The following COL24A1 variants were observed in gnomAD, a reference collection of about 807,000 sequenced individuals.
COL24A1 encodes the protein collagen alpha-1(XXIV) chain.
Under a neutral mutation model 253.9 loss-of-function variants are expected in COL24A1, and 224 were observed. That is an observed-to-expected ratio of 0.88 (90% CI 0.79 to 0.99). The LOEUF (loss-of-function observed/expected upper bound fraction) is 0.99, where lower values mean the gene tolerates loss of function less well. COL24A1 is among the 50% of genes least tolerant of loss of function. The pLI, the probability that COL24A1 is intolerant of heterozygous loss-of-function variation, is 0.00. For synonymous variants in COL24A1, 685 were observed against 673.7 expected, an observed-to-expected ratio of 1.02 and a Z score of -0.26; for missense variants, 2,131 against 2,068.5, an observed-to-expected ratio of 1.03 and a Z score of -0.59.
intron 59 of COL24A1, among the ~76,000 whole-genome samples, chr1:85,731,488 TAA>T (rs983330086): frequency 6.6e-6 from 1 of 152,222 alleles, no homozygotes; most frequent in Non-Finnish European, 1.5e-5. Context: ...GTTACTTGTC[TAA>T]AGTCATAAGC....
chr1:86,040,420 T>A (rs1241221264), intron 12 of COL24A1, among the ~76,000 whole-genome samples: 1 of 150,318 alleles, frequency 6.7e-6, no homozygotes, highest in Non-Finnish European at 1.5e-5. Flanking sequence ...ACCCACTAAC[T>A]CGTCATCTAG....
chr1:85,821,201 C>T (rs1673591255), intron 45 of COL24A1, among the ~76,000 whole-genome samples: 1 of 152,138 alleles, frequency 6.6e-6, no homozygotes, highest in South Asian at 2.1e-4. Flanking sequence ...GTTGGTTCTG[C>T]AATTGGTTTT....
intron 24 of COL24A1, among the ~76,000 whole-genome samples, chr1:85,912,306 G>A (rs188498220): frequency 1.1e-4 from 16 of 152,038 alleles, no homozygotes; most frequent in Admixed American, 3.3e-4. Context: ...TTGTCTTTAC[G>A]GATTCTCAAT....
intron 35 of COL24A1, among the ~76,000 whole-genome samples, chr1:85,870,085 C>A (rs1019487390): frequency 4.6e-5 from 7 of 152,064 alleles, no homozygotes; most frequent in African/African-American, 1.7e-4. Flanking sequence ...CAACAAAGAT[C>A]AAAAGAGACA....
chr1:86,135,363 T>G (rs1004759165), intron 2 of COL24A1, among the ~76,000 whole-genome samples: 4 of 152,160 alleles, frequency 2.6e-5, no homozygotes, highest in Non-Finnish European at 5.9e-5. Flanking sequence ...AAGATTAATA[T>G]TGTTATGTAT....
intron 39 of COL24A1, 72 bp downstream of exon 39, chr1:85,847,588 GATGAA>G: frequency 1.0e-6 from 1 of 970,520 alleles, no homozygotes; most frequent in African/African-American, 1.6e-5. Context: ...CTAATCAAGG[GATGAA>G]ACTTTAAGGG....
chr1:86,026,048 G>T (rs986499481), intron 14 of COL24A1, among the ~76,000 whole-genome samples: 1 of 152,092 alleles, frequency 6.6e-6, no homozygotes, highest in Admixed American at 6.5e-5. Context: ...TATGCCATTA[G>T]ATTGTAATGT....
chr1:85,991,678 C>G (rs963929094), intron 19 of COL24A1, among the ~76,000 whole-genome samples: 16 of 152,268 alleles, frequency 1.1e-4, no homozygotes, highest in African/African-American at 3.6e-4. Context: ...GTGTGAATCT[C>G]TGCTCCTTAA....
chr1:85,788,689 GT>G (rs1669959550), intron 47 of COL24A1, among the ~76,000 whole-genome samples: 2 of 152,184 alleles, frequency 1.3e-5, no homozygotes, highest in South Asian at 2.1e-4. Flanking sequence ...GGTTTTTATA[GT>G]TTTGTGTTTT....
chr1:86,041,495 C>T (rs946791069), intron 12 of COL24A1, among the ~76,000 whole-genome samples: 2 of 152,040 alleles, frequency 1.3e-5, no homozygotes, highest in Admixed American at 6.6e-5. Flanking sequence ...AAGCTGAGAG[C>T]TCTGTAAATG....
At chr1:85,817,937 C>T (rs963470107) in intron 46 of COL24A1, 97 bp downstream of exon 46, 1 of 958,076 alleles carries the variant, frequency 1.0e-6, no homozygotes, top group Non-Finnish European at 1.7e-6. Flanking sequence ...CTGATTTATC[C>T]AACATGATGA....
intron 5 of COL24A1, among the ~76,000 whole-genome samples, chr1:86,102,517 T>C (rs114604003): frequency 0.012 from 1,796 of 152,264 alleles, 13 homozygotes; most frequent in Middle Eastern, 0.024. Flanking sequence ...TATGGGTGTT[T>C]AGTGCAATAC....
chr1:86,002,808 C>T lies in COL24A1; in HGVS notation c.2310+14343G>A, dbSNP rs1464330662. On this transcript the variant is annotated intron_variant, in intron 19 of 59. Coordinates refer to ENST00000370571, the MANE Select transcript of COL24A1 (RefSeq NM_152890.7). ...ATATACTTGAATAGCCCCTCTAAGG[C>T]AAGAGCAAATTGAGAGTCTTACATA... is the stretch of plus-strand genomic sequence containing the variant. Among the ~76,000 whole-genome samples the T allele has an allele frequency of 5.9e-5, 9 of 152,238 alleles. No individual in the cohort carries two copies. The East Asian group carries it at 1.5e-3, about 26-fold the overall frequency.
chr1:86,100,117 G>A (rs897636918), intron 5 of COL24A1, among the ~76,000 whole-genome samples: 4 of 152,024 alleles, frequency 2.6e-5, no homozygotes, highest in African/African-American at 9.7e-5. Context: ...TTAAGAAAAC[G>A]TGGCACAAAT....
At chr1:85,998,622 T>C (rs759503251) in intron 19 of COL24A1, among the ~76,000 whole-genome samples, 2 of 152,234 alleles carry the variant, frequency 1.3e-5, no homozygotes, top group Non-Finnish European at 2.9e-5. Context: ...AATGAGGTAT[T>C]GACTTTGCAT....
rs118006396 is a variant in COL24A1, at chr1:86,097,230, G to C, written c.1600-4910C>G. Among the ~76,000 whole-genome samples, 65 of 152,116 alleles carry C rather than the reference G, an allele frequency of 4.3e-4. 1 individual carries two copies. In the East Asian group the frequency reaches 0.012, roughly 29 times the overall value. On this transcript the variant is annotated intron_variant, in intron 5 of 59. Coordinates refer to ENST00000370571, the MANE Select transcript of COL24A1 (RefSeq NM_152890.7). Reference sequence around the variant, plus strand: ...AGAGTGAAACTCCTAAGTTGTTTCTGTTAGCTAGGAGACCTCCTCTCCTTT... The same window carrying C: ...AGAGTGAAACTCCTAAGTTGTTTCTCTTAGCTAGGAGACCTCCTCTCCTTT...
intron 5 of COL24A1, among the ~76,000 whole-genome samples, chr1:86,097,546 CCCT>C (rs1704075470): frequency 1.2e-4 from 1 of 8,292 alleles, no homozygotes; most frequent in African/African-American, 2.8e-4. Flanking sequence ...CCTCCCTCCT[CCCT>C]CCTCCTCCCT....
At chr1:85,766,799 A>G (rs1025132423) in intron 53 of COL24A1, among the ~76,000 whole-genome samples, 4 of 152,136 alleles carry the variant, frequency 2.6e-5, no homozygotes, top group African/African-American at 7.2e-5. Context: ...ATTTTCCTCC[A>G]TGGAAAATTT....
At chr1:85,774,064 A>AC (rs2101397801) in intron 53 of COL24A1, among the ~76,000 whole-genome samples, 1 of 152,200 alleles carries the variant, frequency 6.6e-6, no homozygotes, top group African/African-American at 2.4e-5. Flanking sequence ...TGGTTTACTG[A>AC]GAGTTTTGGC....
Sources: allele counts gnomAD v4.1 joint callset (sites outside exome capture counted in the v4.1 genomes callset), GRCh38; gene constraint gnomAD v4.1.1; transcripts MANE v1.5; gene names NCBI Gene and HGNC (gene_info 2026-07-23, HGNC 2026-07-21).